TENM2: variants seen among roughly 807,000 people sequenced by gnomAD.
TENM2 encodes the protein teneurin-2.
TENM2 carries 52 observed loss-of-function variants against 245.2 expected under a neutral mutation model. The observed-to-expected ratio is 0.21, with a 90% CI of 0.17 to 0.27. The LOEUF (loss-of-function observed/expected upper bound fraction) is 0.27. TENM2 is among the 10% of genes least tolerant of loss of function. The pLI is 1.00. For missense variants in TENM2, 3,046 were observed against 3,666.8 expected (o/e 0.83, Z 4.37); for synonymous variants, 1,363 against 1,438.9 (o/e 0.95, Z 1.19).
intron 2 of TENM2, among the ~76,000 whole-genome samples, chr5:167,720,102 C>T (rs1411276499): frequency 6.6e-6 from 1 of 151,804 alleles, no homozygotes; most frequent in Non-Finnish European, 1.5e-5. Context: ...TACTTAAAAA[C>T]AAAAAGCATT....
At chr5:167,735,850 G>T (rs997334222) in intron 2 of TENM2, among the ~76,000 whole-genome samples, 6 of 152,170 alleles carry the variant, frequency 3.9e-5, no homozygotes, top group South Asian at 2.1e-4. Context: ...AAAGTTCTAT[G>T]ACCGGTTCAT....
chr5:167,115,863 C>G, the TENM2 span, among the ~76,000 whole-genome samples: 2 of 152,010 alleles, frequency 1.3e-5, no homozygotes, highest in South Asian at 4.2e-4. Flanking sequence ...GAACTTGGGT[C>G]TATAGTATCA....
rs775115466 is a variant in TENM2, at chr5:168,247,952, A to G, written c.7013A>G (p.His2338Arg). ...ACGCGCATCACCCATGTCTACAATCACTCCAACTCGGAGATTACCTCACTG... is the reference window on the plus strand; with the variant it reads ...ACGCGCATCACCCATGTCTACAATCGCTCCAACTCGGAGATTACCTCACTG... Residue 2338 changes from histidine to arginine, a missense_variant, in exon 27 of 29, where the codon CAC becomes CGC. This residue lies in a region of TENM2 where 2,704 missense variants were observed against 3,331.9 expected (regional missense o/e 0.81). Coordinates refer to ENST00000518659, the Ensembl canonical transcript of TENM2. This position sits in a 1 kb window ranked among gnomAD's most constrained non-coding sequence, Gnocchi z 7.8. 5.0e-6 allele frequency: 8 copies of G among 1,613,290 alleles called. No homozygotes were observed. The South Asian group carries it at 6.6e-5, about 13-fold the overall frequency.
At chr5:167,566,469 A>T (rs545450235) in intron 2 of TENM2, among the ~76,000 whole-genome samples, 1 of 152,314 alleles carries the variant, frequency 6.6e-6, no homozygotes, top group South Asian at 2.1e-4. Flanking sequence ...TAGCAACCAG[A>T]TTATTGTAAA....
chr5:167,986,746 T>C lies in TENM2; in HGVS notation c.948-6198T>C, dbSNP rs1412919588. On this transcript the variant is annotated intron_variant, in intron 4 of 28. Transcript: ENST00000518659. ...GACCGACCGCTGGGAAGAAGTTCAG[T>C]TGGGGCATCACAAATGATTCATCTG... Among the ~76,000 whole-genome samples the C allele has an allele frequency of 2.6e-5, 4 of 152,182 alleles. No homozygotes were observed. In the East Asian group the frequency reaches 5.8e-4, roughly 22 times the overall value.
intron 2 of TENM2, among the ~76,000 whole-genome samples, chr5:167,689,394 A>C (rs1701292577): frequency 6.6e-6 from 1 of 152,234 alleles, no homozygotes; most frequent in African/African-American, 2.4e-5. Flanking sequence ...GGCAGAGAAC[A>C]GACCTAGGAA....
chr5:167,758,937 A>G (rs1030964780), intron 2 of TENM2, among the ~76,000 whole-genome samples: 8 of 151,802 alleles, frequency 5.3e-5, no homozygotes, highest in African/African-American at 9.7e-5. Flanking sequence ...ACCCTATTCT[A>G]TTTGCTTTTC....
chr5:167,625,036 G>C (rs1778407408), intron 2 of TENM2, among the ~76,000 whole-genome samples: 1 of 151,948 alleles, frequency 6.6e-6, no homozygotes, highest in Non-Finnish European at 1.5e-5. Flanking sequence ...ATTCCTTGAG[G>C]CCTCATTTAG....
At chr5:168,239,163 G>T (rs939891768) in intron 25 of TENM2, among the ~76,000 whole-genome samples, 1 of 152,114 alleles carries the variant, frequency 6.6e-6, no homozygotes, top group African/African-American at 2.4e-5. Flanking sequence ...GGACCCTCCA[G>T]CATCTCGCAC....
At chr5:167,467,271 A>G (rs1766726157) in intron 2 of TENM2, among the ~76,000 whole-genome samples, 2 of 152,032 alleles carry the variant, frequency 1.3e-5, no homozygotes, top group Admixed American at 6.5e-5. Context: ...TCACATGCTC[A>G]CAGTCTCTCC....
chr5:167,578,648 G>A (rs1774875100), intron 2 of TENM2, among the ~76,000 whole-genome samples: 1 of 152,074 alleles, frequency 6.6e-6, no homozygotes, highest in Non-Finnish European at 1.5e-5. Context: ...GATTAGGATG[G>A]ATTTTTATGA....
At position 167,494,598 on chromosome 5, in the gene TENM2, A is replaced by AG. The variant is rs560521571; in HGVS notation, c.502+119126dup. Among the ~76,000 whole-genome samples, 32 of 152,290 alleles carry AG rather than the reference A, an allele frequency of 2.1e-4. 1 individual carries two copies. The East Asian group carries it at 6.2e-3, about 29-fold the overall frequency. ...GATTAGTAGGAGAAATAGGAAAAAA[A>AG]GAGTTACATATACAATCAAGTATGA... On this transcript the variant is annotated intron_variant, in intron 2 of 28. Transcript: ENST00000518659.
chr5:167,890,141 T>C (rs13182072), intron 3 of TENM2, among the ~76,000 whole-genome samples: 87,567 of 151,940 alleles, frequency 0.58, 29,071 homozygotes, highest in South Asian at 0.77. Flanking sequence ...TTGTCTTTTG[T>C]AGTGTTGGGA....
intron 3 of TENM2, among the ~76,000 whole-genome samples, chr5:167,919,860 G>C (rs944781090): frequency 2.0e-5 from 3 of 152,144 alleles, no homozygotes; most frequent in African/African-American, 7.2e-5. Flanking sequence ...TGACTATCAC[G>C]ACATCCAGTT....
intron 25 of TENM2, among the ~76,000 whole-genome samples, chr5:168,235,577 C>A (rs145459879): frequency 2.0e-5 from 3 of 152,168 alleles, no homozygotes; most frequent in Non-Finnish European, 4.4e-5. Context: ...GAGGCCCAGA[C>A]GGGTGGATGA....
intron 7 of TENM2, among the ~76,000 whole-genome samples, chr5:168,086,512 AC>A: frequency 6.6e-6 from 1 of 152,106 alleles, no homozygotes; most frequent in Non-Finnish European, 1.5e-5. Context: ...GGTGGTGTTT[AC>A]TTTGGGTTAT....
chr5:168,014,157 G>A (rs144682711), intron 5 of TENM2, among the ~76,000 whole-genome samples: 6 of 152,240 alleles, frequency 3.9e-5, no homozygotes, highest in East Asian at 1.9e-4. Context: ...CAGCTTATTC[G>A]TAATACAAGA....
intron 2 of TENM2, among the ~76,000 whole-genome samples, chr5:167,419,129 G>GTAGGTAGATAGA (rs1763338649): frequency 6.7e-6 from 1 of 150,280 alleles, no homozygotes; most frequent in South Asian, 2.1e-4. Flanking sequence ...AGATGTGTAT[G>GTAGGTAGATAGA]TAGATAGATA....
intron 25 of TENM2, among the ~76,000 whole-genome samples, chr5:168,240,505 G>A (rs993922194): frequency 3.3e-5 from 5 of 152,156 alleles, no homozygotes; most frequent in Non-Finnish European, 7.4e-5. Context: ...AAATGGGGAT[G>A]ATAATAATGC....
Sources: allele counts gnomAD v4.1 joint callset (sites outside exome capture counted in the v4.1 genomes callset), GRCh38; gene constraint gnomAD v4.1.1; regional missense constraint gnomAD v4.1.1; non-coding constraint Gnocchi (gnomAD v3.1); transcripts MANE v1.5; gene names NCBI Gene and HGNC (gene_info 2026-07-23, HGNC 2026-07-21).